The following MAF variants were observed in gnomAD, a reference collection of about 807,000 sequenced individuals.
MAF encodes the protein MAF bZIP transcription factor.
A neutral mutation model predicts 22.0 loss-of-function variants in MAF; 10 were observed. The observed-to-expected ratio is 0.45, with a 90% CI of 0.28 to 0.77. The LOEUF (loss-of-function observed/expected upper bound fraction) is 0.77. Among genes scored for constraint, MAF ranks in the 30% least tolerant of loss-of-function variants. The pLI, the probability that MAF is intolerant of heterozygous loss-of-function variation, is 0.12. For synonymous variants in MAF, 337 were observed against 255.8 expected (o/e 1.32, Z -3.03); for missense variants, 544 against 548.4 (o/e 0.99, Z 0.08).
At chr16:79,304,669 A>C in the MAF span, among the ~76,000 whole-genome samples, 26 of 152,320 alleles carry the variant, frequency 1.7e-4, no homozygotes, top group African/African-American at 5.5e-4. Flanking sequence ...ACATCAAGCC[A>C]GACAACCAGA....
chr16:79,408,951 CTTTTTT>C, the MAF span, among the ~76,000 whole-genome samples: 1 of 140,956 alleles, frequency 7.1e-6, no homozygotes, highest in East Asian at 2.1e-4. Flanking sequence ...TTTTTTACTG[CTTTTTT>C]TTTTTTTTAA....
At chr16:79,431,514 G>T in the MAF span, among the ~76,000 whole-genome samples, 2 of 152,104 alleles carry the variant, frequency 1.3e-5, no homozygotes, top group Non-Finnish European at 2.9e-5. Flanking sequence ...TTACTCATTG[G>T]TAAGTTTGAG....
chr16:79,206,532 T>C, the MAF span: 1 of 152,206 alleles, frequency 6.6e-6, no homozygotes, highest in South Asian at 2.1e-4. Flanking sequence ...AAGCTCTCCA[T>C]GCAGAGCCTG....
At chr16:79,454,970 C>T in the MAF span, among the ~76,000 whole-genome samples, 2 of 152,076 alleles carry the variant, frequency 1.3e-5, no homozygotes, top group Middle Eastern at 3.4e-3. Flanking sequence ...GTGGCACGTG[C>T]CTGTAATCCT....
chr16:79,599,987 C>A lies in MAF; in HGVS notation c.-85G>T. Reference sequence around the variant, plus strand: ...CCAGCGGGCTGTGCTGGGTGGCCAGCGGGTGAGCCAGCTTGCCGGGCTGGG... The same window carrying A: ...CCAGCGGGCTGTGCTGGGTGGCCAGAGGGTGAGCCAGCTTGCCGGGCTGGG... On this transcript the variant is annotated 5_prime_UTR_variant, in exon 1 of 2. Coordinates refer to ENST00000326043, the MANE Select transcript of MAF (RefSeq NM_005360.5). The A allele has an allele frequency of 2.5e-6, 4 of 1,578,218 alleles. No homozygotes were observed. Among genetic ancestry groups the A allele is most frequent in the African/African-American group, 2.7e-5 (2 of 74,376 alleles).
the MAF span, among the ~76,000 whole-genome samples, chr16:79,372,088 T>TC: frequency 6.7e-6 from 1 of 150,236 alleles, no homozygotes; most frequent in South Asian, 2.1e-4. Flanking sequence ...TTTTTTTTTT[T>TC]ACCCCAAGTG....
chr16:79,415,210 G>C, the MAF span, among the ~76,000 whole-genome samples: 66 of 148,466 alleles, frequency 4.4e-4, no homozygotes, highest in African/African-American at 1.6e-3. Flanking sequence ...TTAGCACTTA[G>C]CAAAGTGCTG....
chr16:79,555,999 T>C, the MAF span, among the ~76,000 whole-genome samples: 3 of 147,614 alleles, frequency 2.0e-5, no homozygotes, highest in African/African-American at 7.3e-5. Flanking sequence ...TTAGTGATGT[T>C]TAGTTTGTTT....
the MAF span, among the ~76,000 whole-genome samples, chr16:79,371,276 T>C: frequency 2.6e-5 from 4 of 152,048 alleles, no homozygotes; most frequent in Non-Finnish European, 5.9e-5. Context: ...AAATAAGAAG[T>C]GGAAAGTGAC....
the MAF span, among the ~76,000 whole-genome samples, chr16:79,344,846 T>A: frequency 3.9e-5 from 6 of 152,210 alleles, no homozygotes; most frequent in Admixed American, 6.5e-5. Context: ...AAGGACCGAT[T>A]TGAAATGTAG....
At chr16:79,481,980 G>A in the MAF span, among the ~76,000 whole-genome samples, 2 of 152,158 alleles carry the variant, frequency 1.3e-5, no homozygotes, top group South Asian at 4.2e-4. Flanking sequence ...CTGGAATTGG[G>A]AGAGACTGCA....
the MAF span, among the ~76,000 whole-genome samples, chr16:79,513,785 A>G: frequency 6.6e-6 from 1 of 152,206 alleles, no homozygotes; most frequent in Admixed American, 6.5e-5. Context: ...GACACGTTCC[A>G]TATATACTAC....
At chr16:79,359,160 T>C in the MAF span, among the ~76,000 whole-genome samples, 1 of 152,198 alleles carries the variant, frequency 6.6e-6, no homozygotes, top group African/African-American at 2.4e-5. Flanking sequence ...CATCATTCCA[T>C]ATGCATGCCC....
At chr16:79,559,740 A>G in the MAF span, among the ~76,000 whole-genome samples, 2 of 152,140 alleles carry the variant, frequency 1.3e-5, no homozygotes, top group Non-Finnish European at 2.9e-5. Flanking sequence ...TGATGATGCT[A>G]TATTTCACTC....
the MAF span, chr16:79,211,473 C>G: frequency 6.5e-5 from 72 of 1,102,590 alleles, no homozygotes; most frequent in African/African-American, 1.1e-3. Context: ...CAGCCCAGTA[C>G]CCTTTGCTAT....
chr16:79,282,445 A>G, the MAF span, among the ~76,000 whole-genome samples: 1 of 152,142 alleles, frequency 6.6e-6, no homozygotes, highest in East Asian at 1.9e-4. Flanking sequence ...CCTCCTCTAA[A>G]AGGAAAATAT....
At chr16:79,211,427 G>A in the MAF span, among the ~76,000 whole-genome samples, 1 of 152,150 alleles carries the variant, frequency 6.6e-6, no homozygotes, top group Non-Finnish European at 1.5e-5. Flanking sequence ...GTTTTTCCAG[G>A]ATAGTCACAT....
At chr16:79,575,437 G>A in the MAF span, among the ~76,000 whole-genome samples, 1 of 152,178 alleles carries the variant, frequency 6.6e-6, no homozygotes, top group Non-Finnish European at 1.5e-5. Flanking sequence ...GGGGCCATGA[G>A]GACTCACTCT....
At chr16:79,574,600 T>C in the MAF span, among the ~76,000 whole-genome samples, 2 of 152,152 alleles carry the variant, frequency 1.3e-5, no homozygotes, top group African/African-American at 4.8e-5. Flanking sequence ...CATAGCTCAA[T>C]TGACCCATTT....
Sources: allele counts gnomAD v4.1 joint callset (sites outside exome capture counted in the v4.1 genomes callset), GRCh38; gene constraint gnomAD v4.1.1; transcripts MANE v1.5; gene names NCBI Gene and HGNC (gene_info 2026-07-23, HGNC 2026-07-21).